Variants in AGBL4 observed in about 807,000 individuals in gnomAD.
The protein encoded by AGBL4 is AGBL carboxypeptidase 4, also known as cytosolic carboxypeptidase 6.
Under a neutral mutation model 66.4 loss-of-function variants are expected in AGBL4, and 58 were observed. The observed-to-expected ratio is 0.87, with a 90% CI of 0.71 to 1.09. The LOEUF (loss-of-function observed/expected upper bound fraction) is 1.09. Ranked by LOEUF, AGBL4 falls within the 50% of genes least tolerant of loss-of-function variation. The probability of loss-of-function intolerance (pLI) is 0.00; values close to 1 mark genes in which losing one functional copy is unlikely to be tolerated. For synonymous variants in AGBL4, 234 were observed against 222.9 expected, an observed-to-expected ratio of 1.05 and a Z score of -0.44; for missense variants, 579 against 631.0, an observed-to-expected ratio of 0.92 and a Z score of 0.88.
At chr1:49,875,293 C>A (rs1192624011) in intron 1 of AGBL4, among the ~76,000 whole-genome samples, 1 of 129,374 alleles carries the variant, frequency 7.7e-6, no homozygotes, top group Non-Finnish European at 1.6e-5. Context: ...TCTCCCAATG[C>A]TATCCCTCCC....
intron 5 of AGBL4, among the ~76,000 whole-genome samples, chr1:48,896,554 C>A (rs1270753611): frequency 6.6e-6 from 1 of 152,154 alleles, no homozygotes; most frequent in African/African-American, 2.4e-5. Context: ...TTACAAGACA[C>A]GAGAAGCCCA....
chr1:48,586,861 G>A lies in AGBL4; in HGVS notation c.1267+143C>T, dbSNP rs373950537. 7.6e-5 allele frequency: 80 copies of A among 1,057,356 alleles called. 1 individual carries two copies. The African/African-American group carries it at 7.8e-4, about 10-fold the overall frequency. 65.5% of individuals were successfully genotyped at this position (1,057,356 alleles called of 1,614,324 possible). ...GAGGCAAACTGGACAATCCAAAGACGCCACCAGAAGAAGAAGCACCTCCAT... is the reference window on the plus strand; with the variant it reads ...GAGGCAAACTGGACAATCCAAAGACACCACCAGAAGAAGAAGCACCTCCAT... On this transcript the variant is annotated intron_variant, in intron 11 of 13. Transcript: ENST00000371839.
intron 9 of AGBL4, among the ~76,000 whole-genome samples, chr1:48,626,880 G>A (rs1054523510): frequency 3.9e-5 from 6 of 152,156 alleles, no homozygotes; most frequent in African/African-American, 1.4e-4. Context: ...CCCTAGGGAT[G>A]TGATTTTTAA....
At chr1:48,886,660 C>G (rs1650380040) in intron 5 of AGBL4, among the ~76,000 whole-genome samples, 1 of 152,124 alleles carries the variant, frequency 6.6e-6, no homozygotes. Context: ...GCACGCTATT[C>G]TCCTGCCCCA....
At chr1:49,249,350 A>G (rs1419874650) in intron 3 of AGBL4, among the ~76,000 whole-genome samples, 1 of 152,202 alleles carries the variant, frequency 6.6e-6, no homozygotes, top group South Asian at 2.1e-4. Context: ...AATAAACAGA[A>G]TATATAAGGA....
chr1:49,418,076 C>T (rs1173134875), intron 3 of AGBL4, among the ~76,000 whole-genome samples: 1 of 152,176 alleles, frequency 6.6e-6, no homozygotes, highest in Non-Finnish European at 1.5e-5. Context: ...TACCTTTTTA[C>T]TGTAACTTTA....
intron 8 of AGBL4, among the ~76,000 whole-genome samples, chr1:48,640,679 G>A (rs1244729212): frequency 6.6e-6 from 1 of 152,154 alleles, no homozygotes; most frequent in Non-Finnish European, 1.5e-5. Flanking sequence ...TTGATGGCAG[G>A]ATGGTTCACA....
intron 1 of AGBL4, among the ~76,000 whole-genome samples, chr1:49,956,635 T>C (rs951894680): frequency 1.3e-5 from 2 of 151,962 alleles, no homozygotes; most frequent in Non-Finnish European, 2.9e-5. Context: ...TTTATCAAGC[T>C]TGATCCTCAT....
At chr1:49,067,016 C>T (rs1414301381) in intron 4 of AGBL4, among the ~76,000 whole-genome samples, 1 of 152,162 alleles carries the variant, frequency 6.6e-6, no homozygotes, top group Non-Finnish European at 1.5e-5. Flanking sequence ...AAAACACAGT[C>T]CCACCCCTCC....
chr1:49,048,379 A>G (rs1217326802), intron 4 of AGBL4: 1 of 152,162 alleles, frequency 6.6e-6, no homozygotes, highest in Non-Finnish European at 1.5e-5. Flanking sequence ...AGGAGAATCC[A>G]TCTACTGCCT....
chr1:48,825,500 G>A (rs1202038290), intron 6 of AGBL4, among the ~76,000 whole-genome samples: 2 of 152,140 alleles, frequency 1.3e-5, no homozygotes, highest in Non-Finnish European at 2.9e-5. Flanking sequence ...TTGTGTGATT[G>A]TTTAATACTT....
intron 1 of AGBL4, among the ~76,000 whole-genome samples, chr1:49,988,298 C>G (rs1269515744): frequency 6.6e-6 from 1 of 152,054 alleles, no homozygotes; most frequent in Non-Finnish European, 1.5e-5. Context: ...TCTAGACTTT[C>G]CTAAGCACAG....
At chr1:49,416,452 G>A (rs534623888) in intron 3 of AGBL4, among the ~76,000 whole-genome samples, 1 of 152,062 alleles carries the variant, frequency 6.6e-6, no homozygotes, top group East Asian at 1.9e-4. Flanking sequence ...TCATATCTTG[G>A]AGCCACTATT....
At chr1:48,992,905 G>A (rs751320139) in intron 5 of AGBL4, among the ~76,000 whole-genome samples, 72 of 152,148 alleles carry the variant, frequency 4.7e-4, no homozygotes, top group Non-Finnish European at 8.1e-4. Context: ...CCCAGGGCAG[G>A]TCTAGAAATG....
At chr1:49,787,786 C>G (rs905541034) in intron 2 of AGBL4, among the ~76,000 whole-genome samples, 3 of 152,138 alleles carry the variant, frequency 2.0e-5, no homozygotes, top group Admixed American at 2.0e-4. Flanking sequence ...ACACAGGACA[C>G]ACCTAATTCC....
intron 4 of AGBL4, among the ~76,000 whole-genome samples, chr1:49,148,568 T>A (rs185162769): frequency 6.6e-6 from 1 of 152,234 alleles, no homozygotes; most frequent in East Asian, 1.9e-4. Context: ...TTGAAAAATG[T>A]CTATGTCCTT....
rs1435214609 is a variant in AGBL4 at position 49,697,408 on chromosome 1, C to G, written c.187G>C (p.Glu63Gln). 1 of 1,533,196 alleles carries G rather than the reference C, an allele frequency of 6.5e-7. No homozygotes were observed. The highest frequency in any genetic ancestry group is 2.5e-5 in the East Asian group (1 of 40,628). The allele number at this position is 1,533,196 out of a possible 1,614,324, so 95.0% of individuals were successfully genotyped here. A position where few individuals can be genotyped will look rare whatever the true frequency, so the allele number is the denominator to read the frequency against. Residue 63 changes from glutamate to glutamine, a missense_variant, in exon 3 of 14, where the codon GAG (glutamate) becomes CAG (glutamine). Glu to Gln is a conservative substitution (Grantham distance 29). Coordinates refer to ENST00000371839, the MANE Select transcript of AGBL4 (RefSeq NM_032785.4). ...GNLGRVDQVS[E>Q]FEYDLFIRPD... ...CTAATGAACAGATCATACTCAAACT[C>G]AGAGACCTGGTCCACCCGGCCCAGG... is the stretch of plus-strand genomic sequence containing the variant.
chr1:49,765,859 G>A (rs947501560), intron 2 of AGBL4, among the ~76,000 whole-genome samples: 1 of 151,862 alleles, frequency 6.6e-6, no homozygotes, highest in African/African-American at 2.4e-5. Flanking sequence ...TTGAAGCCCA[G>A]TCTTTTAAAC....
At chr1:49,754,323 T>A (rs2147846247) in intron 2 of AGBL4, among the ~76,000 whole-genome samples, 1 of 151,860 alleles carries the variant, frequency 6.6e-6, no homozygotes, top group Non-Finnish European at 1.5e-5. Flanking sequence ...ATACTCTAAG[T>A]TTTAGGGTAC....
Sources: allele counts gnomAD v4.1 joint callset (sites outside exome capture counted in the v4.1 genomes callset), GRCh38; gene constraint gnomAD v4.1.1; transcripts MANE v1.5; gene names NCBI Gene and HGNC (gene_info 2026-07-23, HGNC 2026-07-21).